The following SBF2 variants were observed in gnomAD, a reference collection of about 807,000 sequenced individuals.
SBF2 encodes myotubularin-related protein 13.
A neutral mutation model predicts 225.2 loss-of-function variants in SBF2; 112 were observed. The observed-to-expected ratio is 0.50, with a 90% CI of 0.43 to 0.58. The LOEUF is 0.58. Ranked by LOEUF, SBF2 falls within the 20% of genes least tolerant of loss-of-function variation. SBF2 has a pLI of 0.00. For missense variants in SBF2, 1,996 were observed against 2,206.2 expected, an observed-to-expected ratio of 0.90 and a Z score of 1.91; for synonymous variants, 763 against 773.3, an observed-to-expected ratio of 0.99 and a Z score of 0.22.
rs569247120 is a variant in SBF2 at position 9,894,244 on chromosome 11, C to T, written c.1929+1699G>A. ...AAAAAAATACAAAAAATCTGCTGGA[C>T]ATGGTGGTTCACACCTGTAATCCCA... On this transcript the variant is annotated intron_variant, in intron 17 of 39. Coordinates refer to ENST00000256190, the MANE Select transcript of SBF2 (RefSeq NM_030962.4). 1.4e-4 allele frequency among the ~76,000 whole-genome samples: 21 copies of T among 152,180 alleles called. No homozygotes were observed. The South Asian group carries it at 4.4e-3, about 32-fold the overall frequency.
intron 2 of SBF2, among the ~76,000 whole-genome samples, chr11:10,081,320 A>G (rs1951354842): frequency 6.6e-6 from 1 of 152,222 alleles, no homozygotes; most frequent in African/African-American, 2.4e-5. Context: ...ATGCTCCTGA[A>G]TGATCTATGG....
At chr11:10,022,603 C>A (rs987496295) in intron 6 of SBF2, among the ~76,000 whole-genome samples, 14 of 151,904 alleles carry the variant, frequency 9.2e-5, no homozygotes, top group African/African-American at 2.4e-4. Flanking sequence ...TGTACCCACC[C>A]CCCCATCATA....
In SBF2 at chr11:10,063,830, A is replaced by AACAC. The variant is rs140036479; in HGVS notation, c.142-20853_142-20850dup. ...CACCAATAAAAATTATCTAAAATAA[A>AACAC]ACACACACACACACACACACACACA... On this transcript the variant is annotated intron_variant, in intron 2 of 39. Transcript: ENST00000256190. Among the ~76,000 whole-genome samples, 742 of 140,182 alleles carry AACAC rather than the reference A, an allele frequency of 5.3e-3. 6 individuals carry two copies. Among genetic ancestry groups the AACAC allele is most frequent in the South Asian group, 0.01 (45 of 4,288 alleles). The allele number at this position is 140,182 out of a possible 152,430, so 92.0% of individuals were successfully genotyped here.
chr11:10,181,234 G>A (rs1020414883), intron 2 of SBF2, among the ~76,000 whole-genome samples: 2 of 152,036 alleles, frequency 1.3e-5, no homozygotes, highest in Non-Finnish European at 2.9e-5. Flanking sequence ...AGCTTTAGCA[G>A]AGAATCAAAA....
chr11:10,008,040 C>T lies in SBF2; in HGVS notation c.620-5351G>A, dbSNP rs117921944. Among the ~76,000 whole-genome samples the T allele has an allele frequency of 8.2e-3, 1,246 of 152,290 alleles. 15 individuals are homozygous for T. Among genetic ancestry groups the T allele is most frequent in the Non-Finnish European group, 8.1e-3 (554 of 68,028 alleles). On this transcript the variant is annotated intron_variant, in intron 6 of 39. Coordinates refer to ENST00000256190, the MANE Select transcript of SBF2 (RefSeq NM_030962.4). ...TGATTCCATTATGGAGGTGGCCCAA[C>T]AATTTGCAAATCCAATGCATATGAC...
chr11:10,171,956 T>C (rs1017750507), intron 2 of SBF2, among the ~76,000 whole-genome samples: 2 of 152,224 alleles, frequency 1.3e-5, no homozygotes, highest in Non-Finnish European at 2.9e-5. Flanking sequence ...TAGCCACTAA[T>C]GGTCCTTTGA....
chr11:10,202,698 G>C (rs1034952170), intron 1 of SBF2, among the ~76,000 whole-genome samples: 2 of 152,234 alleles, frequency 1.3e-5, no homozygotes, highest in African/African-American at 4.8e-5. Context: ...TGAGGCAGGA[G>C]AATGGCGTGA....
intron 17 of SBF2, among the ~76,000 whole-genome samples, chr11:9,873,312 C>G (rs1858939738): frequency 6.7e-6 from 1 of 150,316 alleles, no homozygotes; most frequent in African/African-American, 2.4e-5. Context: ...TATTGGTTCA[C>G]AACCACAAAT....
At chr11:9,923,716 T>C (rs961247622) in intron 16 of SBF2, among the ~76,000 whole-genome samples, 1 of 152,216 alleles carries the variant, frequency 6.6e-6, no homozygotes, top group Non-Finnish European at 1.5e-5. Context: ...AACTTTGGAA[T>C]GTAACCCCTT....
At chr11:10,297,532 AC>A (rs1405036433), upstream of SBF2, among the ~76,000 whole-genome samples, 1 of 152,036 alleles carries the variant, frequency 6.6e-6, no homozygotes, top group Non-Finnish European at 1.5e-5. Flanking sequence ...TAGTACTTTG[AC>A]CCATTTTGAG....
chr11:9,928,132 G>T lies in SBF2; in HGVS notation c.1861-32121C>A, dbSNP rs571962288. Among the ~76,000 whole-genome samples, 101 of 152,054 alleles carry T rather than the reference G, an allele frequency of 6.6e-4. 1 individual carries two copies. Among genetic ancestry groups the T allele is most frequent in the African/African-American group, 2.3e-3 (95 of 41,508 alleles). On this transcript the variant is annotated intron_variant, in intron 16 of 39. Transcript: ENST00000256190. ...AAACTGGACTTTATCAAAATAAAAA[G>T]CTTCTGATCTTTAAAAGACACTGTT...
intron 1 of SBF2, among the ~76,000 whole-genome samples, chr11:10,293,076 CTGA>C (rs1351838275): frequency 3.3e-5 from 5 of 152,222 alleles, no homozygotes; most frequent in African/African-American, 1.2e-4. Context: ...GGCTGTAGAG[CTGA>C]TATCTCAAAT....
intron 2 of SBF2, among the ~76,000 whole-genome samples, chr11:10,166,798 C>T (rs933205560): frequency 2.9e-4 from 44 of 152,078 alleles, no homozygotes; most frequent in African/African-American, 1.1e-3. Flanking sequence ...CCCATCTCTA[C>T]TAAAAATACA....
chr11:9,900,495 T>A (rs987294792), intron 16 of SBF2, among the ~76,000 whole-genome samples: 11 of 152,110 alleles, frequency 7.2e-5, no homozygotes, highest in African/African-American at 2.7e-4. Context: ...TCGGAATTAG[T>A]TTAGCCTGTG....
At chr11:10,083,758 G>C (rs1211486115) in intron 2 of SBF2, among the ~76,000 whole-genome samples, 1 of 152,050 alleles carries the variant, frequency 6.6e-6, no homozygotes, top group Non-Finnish European at 1.5e-5. Context: ...TATAAGACCT[G>C]AAACTATAAA....
At position 9,868,964 on chromosome 11, in the gene SBF2, T is replaced by C. The variant is rs144607475; in HGVS notation, c.1930-10568A>G. ...TTGTCAATGCCCAGATTTGTTAATA[T>C]TAGAAGTTGTAAAATTGTGATATTC... On this transcript the variant is annotated intron_variant, in intron 17 of 39. Coordinates refer to ENST00000256190, the MANE Select transcript of SBF2 (RefSeq NM_030962.4). Among the ~76,000 whole-genome samples, 32 of 152,344 alleles carry C rather than the reference T, an allele frequency of 2.1e-4. No individual in the cohort carries two copies. The East Asian group carries it at 6.2e-3, about 29-fold the overall frequency.
At chr11:10,289,614 C>G (rs1290120394) in intron 1 of SBF2, among the ~76,000 whole-genome samples, 1 of 152,124 alleles carries the variant, frequency 6.6e-6, no homozygotes, top group African/African-American at 2.4e-5. Context: ...AGTGTCAGGC[C>G]TGGCAATCAC....
intron 17 of SBF2, among the ~76,000 whole-genome samples, chr11:9,879,161 T>C (rs1474124939): frequency 6.6e-6 from 1 of 152,190 alleles, no homozygotes; most frequent in Non-Finnish European, 1.5e-5. Context: ...CAAATCCCCA[T>C]CAAATCTATG....
chr11:10,291,624 C>G (rs1012483038), intron 1 of SBF2, among the ~76,000 whole-genome samples: 2 of 151,042 alleles, frequency 1.3e-5, no homozygotes, highest in Admixed American at 1.3e-4. Flanking sequence ...TCCGAATAGA[C>G]TAAGGCAAAT....
Sources: gnomAD v4.1 joint callset for allele counts (sites outside exome capture counted in the v4.1 genomes callset) on GRCh38, gnomAD v4.1.1 for gene constraint, MANE v1.5 for transcripts, NCBI Gene and HGNC (gene_info 2026-07-23, HGNC 2026-07-21) for gene names.